Variants in IMMP2L observed in about 807,000 individuals in gnomAD.
IMMP2L encodes inner mitochondrial membrane peptidase subunit 2, also known as mitochondrial inner membrane protease subunit 2.
IMMP2L carries 18 observed loss-of-function variants against 19.3 expected under a neutral mutation model. That is an observed-to-expected ratio of 0.93 (90% CI 0.64 to 1.38). The LOEUF is 1.38. IMMP2L is among the 40% of genes most tolerant of loss of function. The pLI is 0.00. For missense variants in IMMP2L, 233 were observed against 218.2 expected (o/e 1.07, Z -0.43); for synonymous variants, 76 against 73.0 (o/e 1.04, Z -0.21).
At chr7:110,748,414 G>C (rs904951730) in intron 5 of IMMP2L, among the ~76,000 whole-genome samples, 1 of 152,036 alleles carries the variant, frequency 6.6e-6, no homozygotes, top group Non-Finnish European at 1.5e-5. Context: ...ATTTCATATG[G>C]AACCAAAAAA....
chr7:111,339,578 A>C (rs1206860955), intron 3 of IMMP2L, among the ~76,000 whole-genome samples: 1 of 151,970 alleles, frequency 6.6e-6, no homozygotes, highest in African/African-American at 2.4e-5. Context: ...AAAATTGCAG[A>C]AATAGTGACT....
At chr7:111,199,214 C>G (rs1208211289) in intron 3 of IMMP2L, among the ~76,000 whole-genome samples, 3 of 152,090 alleles carry the variant, frequency 2.0e-5, no homozygotes, top group African/African-American at 7.2e-5. Context: ...ATAAATACAG[C>G]CTACATATAA....
rs1169720548 is a variant in IMMP2L, at chr7:110,666,642, T to C, written c.409-2921A>G. Among the ~76,000 whole-genome samples, 6 of 152,080 alleles carry C rather than the reference T, an allele frequency of 3.9e-5. No homozygotes were observed. In the East Asian group the frequency reaches 7.7e-4, roughly 20 times the overall value. On this transcript the variant is annotated intron_variant, in intron 5 of 5. Coordinates refer to ENST00000405709, the MANE Select transcript of IMMP2L (RefSeq NM_032549.4). ...CCTGGGGTGTCAATATTCTATGCCA[T>C]TTCAGGGAATACACATAAAAAATCC...
chr7:111,338,815 T>C (rs992430722), intron 3 of IMMP2L, among the ~76,000 whole-genome samples: 7 of 152,124 alleles, frequency 4.6e-5, no homozygotes, highest in African/African-American at 1.7e-4. Context: ...TTCCACATTC[T>C]TGTCCCTTTG....
At chr7:111,430,910 C>A (rs1371489231) in intron 3 of IMMP2L, among the ~76,000 whole-genome samples, 1 of 151,750 alleles carries the variant, frequency 6.6e-6, no homozygotes, top group Non-Finnish European at 1.5e-5. Context: ...AGTTCGAGAC[C>A]AGCCTGGACA....
intron 3 of IMMP2L, among the ~76,000 whole-genome samples, chr7:111,007,354 A>G (rs1190129353): frequency 6.6e-6 from 1 of 152,004 alleles, no homozygotes; most frequent in Non-Finnish European, 1.5e-5. Context: ...AAACTATTCC[A>G]CTTTGGTTTT....
At chr7:111,018,769 C>A (rs2191928) in intron 3 of IMMP2L, among the ~76,000 whole-genome samples, 149,444 of 150,022 alleles carry the variant, frequency 1, 74,435 homozygotes, top group Middle Eastern at 1. Context: ...CCTCTAACCA[C>A]TGGAAATTGT....
At chr7:110,982,280 C>T (rs1330057343) in intron 3 of IMMP2L, among the ~76,000 whole-genome samples, 1 of 152,136 alleles carries the variant, frequency 6.6e-6, no homozygotes, top group Non-Finnish European at 1.5e-5. Flanking sequence ...AAAACTGAAT[C>T]AGGTCACATA....
At chr7:111,234,241 T>C (rs1334738230) in intron 3 of IMMP2L, among the ~76,000 whole-genome samples, 6 of 152,138 alleles carry the variant, frequency 3.9e-5, no homozygotes, top group Non-Finnish European at 8.8e-5. Flanking sequence ...CAAGTCTTTC[T>C]GTTATAGATA....
intron 5 of IMMP2L, among the ~76,000 whole-genome samples, chr7:110,684,950 CT>C (rs1305260710): frequency 6.6e-6 from 1 of 152,008 alleles, no homozygotes; most frequent in African/African-American, 2.4e-5. Flanking sequence ...CCAAATTTTC[CT>C]TTTCCTTCAA....
chr7:110,929,455 T>C (rs1257600173), intron 4 of IMMP2L, among the ~76,000 whole-genome samples: 1 of 152,162 alleles, frequency 6.6e-6, no homozygotes, highest in Non-Finnish European at 1.5e-5. Context: ...ATGTTGCATG[T>C]GAATTCCATT....
intron 3 of IMMP2L, among the ~76,000 whole-genome samples, chr7:111,158,935 A>C (rs1184979697): frequency 1.3e-5 from 2 of 152,154 alleles, no homozygotes; most frequent in Admixed American, 1.3e-4. Flanking sequence ...TTAAATGGAG[A>C]GTCTTCTCTT....
At chr7:111,199,248 A>G (rs1809842707) in intron 3 of IMMP2L, among the ~76,000 whole-genome samples, 1 of 152,156 alleles carries the variant, frequency 6.6e-6, no homozygotes, top group African/African-American at 2.4e-5. Context: ...AAATATTTCA[A>G]TTCTCTCATT....
intron 2 of IMMP2L, among the ~76,000 whole-genome samples, chr7:111,511,174 A>C (rs1264257084): frequency 6.6e-6 from 1 of 152,098 alleles, no homozygotes; most frequent in Admixed American, 6.6e-5. Context: ...CCTGAACATA[A>C]CACCACACAC....
intron 3 of IMMP2L, among the ~76,000 whole-genome samples, chr7:111,135,417 T>A (rs1342538870): frequency 6.6e-6 from 1 of 152,072 alleles, no homozygotes; most frequent in South Asian, 2.1e-4. Context: ...TCCCACTGAG[T>A]CTTTCCATTC....
At chr7:111,448,345 T>A (rs1213856211) in intron 3 of IMMP2L, among the ~76,000 whole-genome samples, 1 of 148,766 alleles carries the variant, frequency 6.7e-6, no homozygotes, top group Non-Finnish European at 1.5e-5. Flanking sequence ...GAACAGAAAT[T>A]ATAACAAACT....
At chr7:110,943,389 T>C (rs1366559915) in intron 4 of IMMP2L, among the ~76,000 whole-genome samples, 1 of 151,992 alleles carries the variant, frequency 6.6e-6, no homozygotes, top group Non-Finnish European at 1.5e-5. Context: ...GAGTGTATCC[T>C]TGTTCAAAAT....
At chr7:111,390,163 A>G (rs570853427) in intron 3 of IMMP2L, among the ~76,000 whole-genome samples, 2 of 152,214 alleles carry the variant, frequency 1.3e-5, no homozygotes, top group Admixed American at 1.3e-4. Context: ...CAACATCGCC[A>G]CAGCTGCAGA....
At chr7:111,472,958 GAA>G (rs887909524) in intron 3 of IMMP2L, among the ~76,000 whole-genome samples, 1 of 151,090 alleles carries the variant, frequency 6.6e-6, no homozygotes, top group Non-Finnish European at 1.5e-5. Context: ...AAAGAAAAAA[GAA>G]AAAAAATGCA....
Sources: gnomAD v4.1 joint callset for allele counts (sites outside exome capture counted in the v4.1 genomes callset) on GRCh38, gnomAD v4.1.1 for gene constraint, MANE v1.5 for transcripts, NCBI Gene and HGNC (gene_info 2026-07-23, HGNC 2026-07-21) for gene names.